Variants in PTPRD observed in about 807,000 individuals in gnomAD.
The protein encoded by PTPRD is receptor-type tyrosine-protein phosphatase delta.
PTPRD carries 34 observed loss-of-function variants against 214.5 expected under a neutral mutation model. The ratio of observed to expected loss-of-function variants is 0.16; its 90% CI spans 0.12 to 0.21. The LOEUF (loss-of-function observed/expected upper bound fraction) is 0.21, where lower values mean the gene tolerates loss of function less well. PTPRD is among the 10% of genes least tolerant of loss of function. The pLI is 1.00. For synonymous variants in PTPRD, 1,128 were observed against 845.7 expected (o/e 1.33, Z -5.79); for missense variants, 2,545 against 2,398.7 (o/e 1.06, Z -1.27).
chr9:10,195,098 ATT>A (rs34900305), intron 3 of PTPRD, among the ~76,000 whole-genome samples: 994 of 97,910 alleles, frequency 0.01, 2 homozygotes, highest in African/African-American at 0.033. Context: ...ATACCCGGCT[ATT>A]TTTTTTTTTT....
At chr9:9,200,943 T>G (rs2099941474) in intron 9 of PTPRD, among the ~76,000 whole-genome samples, 1 of 152,202 alleles carries the variant, frequency 6.6e-6, no homozygotes, top group South Asian at 2.1e-4. Flanking sequence ...AAAGCTAATC[T>G]CTTCTTATAT....
intron 12 of PTPRD, among the ~76,000 whole-genome samples, chr9:8,674,520 C>T (rs1282839919): frequency 2.1e-5 from 3 of 143,416 alleles, no homozygotes; most frequent in Admixed American, 2.1e-4. Flanking sequence ...AGTAAAATTC[C>T]AATACTAAGG....
intron 26 of PTPRD, among the ~76,000 whole-genome samples, chr9:8,493,246 C>T (rs1374597601): frequency 6.6e-6 from 1 of 152,144 alleles, no homozygotes; most frequent in Non-Finnish European, 1.5e-5. Flanking sequence ...AATTCTTAAA[C>T]TTAAACTTGC....
At chr9:8,618,996 G>A (rs1032507949) in intron 14 of PTPRD, among the ~76,000 whole-genome samples, 4 of 143,594 alleles carry the variant, frequency 2.8e-5, no homozygotes, top group African/African-American at 7.7e-5. Flanking sequence ...GTGACCTCAA[G>A]TGATCTGCCA....
intron 11 of PTPRD, among the ~76,000 whole-genome samples, chr9:8,766,690 C>G (rs960901532): frequency 4.6e-5 from 7 of 152,140 alleles, no homozygotes; most frequent in Non-Finnish European, 1.0e-4. Context: ...AACCCACCAC[C>G]ACTAGGAGCA....
intron 10 of PTPRD, among the ~76,000 whole-genome samples, chr9:9,112,914 T>C (rs2099808078): frequency 1.3e-5 from 2 of 152,014 alleles, no homozygotes; most frequent in South Asian, 2.1e-4. Context: ...TTTTTCTTTC[T>C]CTGATAAGAT....
chr9:8,568,477 G>A (rs2090098145), intron 14 of PTPRD, among the ~76,000 whole-genome samples: 1 of 152,142 alleles, frequency 6.6e-6, no homozygotes, highest in Non-Finnish European at 1.5e-5. Flanking sequence ...TAAGCTGCTA[G>A]AGACATCTGG....
intron 11 of PTPRD, among the ~76,000 whole-genome samples, chr9:8,739,656 A>G (rs764305637): frequency 2.0e-5 from 3 of 152,152 alleles, no homozygotes; most frequent in African/African-American, 4.8e-5. Context: ...ACCAGACACT[A>G]AAGATTCACT....
chr9:8,953,733 A>G (rs1367374302), intron 11 of PTPRD, among the ~76,000 whole-genome samples: 1 of 152,102 alleles, frequency 6.6e-6, no homozygotes, highest in Non-Finnish European at 1.5e-5. Flanking sequence ...AGCAACCCAC[A>G]AACATATGAA....
intron 8 of PTPRD, among the ~76,000 whole-genome samples, chr9:9,528,790 C>A (rs76126843): frequency 0.032 from 4,830 of 150,746 alleles, 261 homozygotes; most frequent in African/African-American, 0.11. Context: ...AACCAGAAGA[C>A]AATGGAAAGA....
Position 9,999,288 on chromosome 9 carries a change from C to T in PTPRD, c.-472+34430G>A, listed in dbSNP as rs563063785. Reference sequence around the variant, plus strand: ...AAGCTAAGGGAGCAACCCCTGAAAGCCCAGAGGAAAGTCCTGAATCTCAAT... The same window carrying T: ...AAGCTAAGGGAGCAACCCCTGAAAGTCCAGAGGAAAGTCCTGAATCTCAAT... On this transcript the variant is annotated intron_variant, in intron 4 of 45. Transcript: ENST00000381196. Among the ~76,000 whole-genome samples the T allele has an allele frequency of 4.5e-4, 69 of 152,258 alleles. No individual in the cohort carries two copies. In the South Asian group the frequency reaches 0.014, roughly 31 times the overall value.
chr9:10,084,353 G>A (rs1172367835), intron 3 of PTPRD, among the ~76,000 whole-genome samples: 2 of 151,774 alleles, frequency 1.3e-5, no homozygotes, highest in African/African-American at 2.4e-5. Context: ...AAATAATGAG[G>A]TACGCCAAAC....
rs1451103559 is a variant in PTPRD, at chr9:10,171,839, G to C, written c.-544-138049C>G. Among the ~76,000 whole-genome samples, 61 of 151,996 alleles carry C rather than the reference G, an allele frequency of 4.0e-4. 1 individual carries two copies. The highest frequency in any genetic ancestry group is 4.0e-3 in the Admixed American group (61 of 15,264). On this transcript the variant is annotated intron_variant, in intron 3 of 45. Coordinates refer to ENST00000381196, the MANE Select transcript of PTPRD (RefSeq NM_002839.4). ...CGCCTGGCCTGGTATATCTTTATTA[G>C]CAGTGTGAAAATGGATTAATAACCC... is the stretch of plus-strand genomic sequence containing the variant.
At chr9:8,705,016 A>G (rs997686164) in intron 12 of PTPRD, among the ~76,000 whole-genome samples, 1 of 152,184 alleles carries the variant, frequency 6.6e-6, no homozygotes, top group African/African-American at 2.4e-5. Context: ...ATAACTGTAT[A>G]AATTCATCAT....
chr9:10,575,559 T>C (rs142869491), intron 2 of PTPRD, among the ~76,000 whole-genome samples: 1,613 of 152,258 alleles, frequency 0.011, 30 homozygotes, highest in African/African-American at 0.036. Context: ...ATCAGTCTTG[T>C]AAAGTATGGC....
chr9:10,280,738 T>G lies in PTPRD; in HGVS notation c.-545+60225A>C, dbSNP rs1360055919. Among the ~76,000 whole-genome samples, 5 of 151,914 alleles carry G rather than the reference T, an allele frequency of 3.3e-5. No individual in the cohort carries two copies. In the East Asian group the frequency reaches 9.7e-4, roughly 29 times the overall value. ...TGTTCCCCCATCTCAGCCTCCTGAG[T>G]AGCTAGGACTACAGGCATGCACCAC... On this transcript the variant is annotated intron_variant, in intron 3 of 45. Coordinates refer to ENST00000381196, the MANE Select transcript of PTPRD (RefSeq NM_002839.4).
intron 7 of PTPRD, among the ~76,000 whole-genome samples, chr9:9,687,420 G>C (rs576725760): frequency 6.6e-6 from 1 of 151,720 alleles, no homozygotes; most frequent in Admixed American, 6.6e-5. Flanking sequence ...GTTTCCTGAT[G>C]GGTAAACAGC....
intron 14 of PTPRD, among the ~76,000 whole-genome samples, chr9:8,627,448 T>G (rs142982307): frequency 1.7e-4 from 26 of 152,020 alleles, no homozygotes; most frequent in African/African-American, 6.0e-4. Context: ...TTTCTATGGT[T>G]CGGTTAACAA....
chr9:9,554,495 G>A (rs2081056813), intron 8 of PTPRD, among the ~76,000 whole-genome samples: 1 of 151,746 alleles, frequency 6.6e-6, no homozygotes, highest in Non-Finnish European at 1.5e-5. Flanking sequence ...GGGAGTGGGG[G>A]TCCATGTCAA....
Sources: allele counts gnomAD v4.1 joint callset (sites outside exome capture counted in the v4.1 genomes callset), GRCh38; gene constraint gnomAD v4.1.1; transcripts MANE v1.5; gene names NCBI Gene and HGNC (gene_info 2026-07-23, HGNC 2026-07-21).